Variants in GTF2H5 observed in about 807,000 individuals in gnomAD.
The protein encoded by GTF2H5 is TFB5 ortholog.
In GTF2H5, 5 loss-of-function variants were observed where a neutral mutation model predicts 7.1. That is an observed-to-expected ratio of 0.71 (90% CI 0.37 to 1.49). The LOEUF (loss-of-function observed/expected upper bound fraction) is 1.49, where lower values mean the gene tolerates loss of function less well. GTF2H5 is among the 40% of genes most tolerant of loss of function. GTF2H5 has a pLI of 0.03. For missense variants in GTF2H5, 80 were observed against 83.0 expected (o/e 0.96, Z 0.14); for synonymous variants, 30 against 31.7 (o/e 0.95, Z 0.18).
intron 2 of GTF2H5, among the ~76,000 whole-genome samples, chr6:158,175,681 T>C (rs1050946787): frequency 6.6e-6 from 1 of 152,086 alleles, no homozygotes; most frequent in Admixed American, 6.6e-5. Flanking sequence ...GGAGAATCAC[T>C]TGAACCCAAG....
chr6:158,175,656 G>A (rs1424081535), intron 2 of GTF2H5, among the ~76,000 whole-genome samples: 3 of 151,960 alleles, frequency 2.0e-5, no homozygotes, highest in Non-Finnish European at 2.9e-5. Flanking sequence ...CCCAGCTACT[G>A]GGGAGGCTGA....
intron 1 of GTF2H5, among the ~76,000 whole-genome samples, chr6:158,169,773 A>ATATATTG (rs1357489016): frequency 1.2e-5 from 1 of 83,958 alleles, no homozygotes; most frequent in South Asian, 3.3e-4. Context: ...ATTATATATA[A>ATATATTG]TATATTGTAT....
At position 158,190,420 on chromosome 6, in the gene GTF2H5, T is replaced by A. The variant is rs184824067; in HGVS notation, c.36-1557T>A. Among the ~76,000 whole-genome samples, 92 of 152,296 alleles carry A rather than the reference T, an allele frequency of 6.0e-4. 1 individual carries two copies. In the South Asian group the frequency reaches 0.015, roughly 25 times the overall value. On this transcript the variant is annotated intron_variant, in intron 2 of 2. Coordinates refer to ENST00000607778, the MANE Select transcript of GTF2H5 (RefSeq NM_207118.3). ...ATCACCTCCACTATTACCACCTACA[T>A]CAAAATCATCATCTCTTGCCTGGAT...
rs925105662 is a variant in GTF2H5 at position 158,169,855 on chromosome 6, G to A, written c.-34-615G>A. On this transcript the variant is annotated intron_variant, in intron 1 of 2. Coordinates refer to ENST00000607778, the MANE Select transcript of GTF2H5 (RefSeq NM_207118.3). ...TATATATATACACACACACACACAC[G>A]ATACAACACAGTACATTAGCTGGGC... is the stretch of plus-strand genomic sequence containing the variant. Among the ~76,000 whole-genome samples, 9 of 123,484 alleles carry A rather than the reference G, an allele frequency of 7.3e-5. No homozygotes were observed. In the East Asian group the frequency reaches 1.6e-3, roughly 23 times the overall value. The allele number at this position is 123,484 out of a possible 152,430, so 81.0% of individuals were successfully genotyped here.
intron 2 of GTF2H5, among the ~76,000 whole-genome samples, chr6:158,187,127 T>C (rs57571658): frequency 2.6e-4 from 40 of 152,060 alleles, no homozygotes; most frequent in African/African-American, 8.7e-4. Context: ...CCTGAGTAGG[T>C]AGTATTACAA....
chr6:158,187,532 A>G (rs1440309383), intron 2 of GTF2H5, among the ~76,000 whole-genome samples: 1 of 152,106 alleles, frequency 6.6e-6, no homozygotes, highest in African/African-American at 2.4e-5. Flanking sequence ...TTTTATTCCT[A>G]CAAAAAGTCT....
chr6:158,190,965 T>C (rs748959387), intron 2 of GTF2H5: 1 of 511,822 alleles, frequency 2.0e-6, no homozygotes, highest in Non-Finnish European at 3.9e-6. Context: ...TCTTTTCCCT[T>C]ATGACTATCC....
chr6:158,172,001 G>GTTGGTAT (rs1785863621), intron 2 of GTF2H5, among the ~76,000 whole-genome samples: 1 of 152,038 alleles, frequency 6.6e-6, no homozygotes, highest in Non-Finnish European at 1.5e-5. Flanking sequence ...GGCCTTTAGT[G>GTTGGTAT]TTATTTTTAA....
intron 2 of GTF2H5, among the ~76,000 whole-genome samples, chr6:158,175,011 TG>T (rs1248307239): frequency 1.5e-3 from 25 of 16,752 alleles, no homozygotes; most frequent in Non-Finnish European, 4.6e-3. Flanking sequence ...GTGCCTGAGA[TG>T]TGTGTGTGTG....
At chr6:158,178,318 C>G (rs1223026278) in intron 2 of GTF2H5, among the ~76,000 whole-genome samples, 1 of 152,052 alleles carries the variant, frequency 6.6e-6, no homozygotes, top group African/African-American at 2.4e-5. Flanking sequence ...AACCCCGTCT[C>G]TATTAAAATT....
At chr6:158,168,553 C>T (rs1320821395) in intron 1 of GTF2H5, among the ~76,000 whole-genome samples, 158 bp downstream of exon 1, 1 of 152,222 alleles carries the variant, frequency 6.6e-6, no homozygotes, top group Non-Finnish European at 1.5e-5. Context: ...CCCTTCCTGG[C>T]GGGGCCGCAC....
chr6:158,169,358 A>ATG (rs1562467643), intron 1 of GTF2H5, among the ~76,000 whole-genome samples: 2 of 80,916 alleles, frequency 2.5e-5, no homozygotes, highest in East Asian at 6.2e-4. Flanking sequence ...TATATATAAT[A>ATG]CATATATATA....
chr6:158,170,722 G>GA (rs1172380512), intron 2 of GTF2H5, among the ~76,000 whole-genome samples, 184 bp downstream of exon 2: 2 of 152,190 alleles, frequency 1.3e-5, no homozygotes, highest in Non-Finnish European at 2.9e-5. Flanking sequence ...CTGTTGAATT[G>GA]ATGGAACTGG....
rs921314260 is a variant in GTF2H5 at position 158,192,505 on chromosome 6, G to A, written c.*348G>A. The A allele has an allele frequency of 1.8e-5, 5 of 282,524 alleles. No homozygotes were observed. The highest frequency in any genetic ancestry group is 2.7e-5 in the Non-Finnish European group (4 of 146,648). The allele number at this position is 282,524 out of a possible 1,614,324, so 17.5% of individuals were successfully genotyped here. ...ATCTGTGCATTTTTGCTGCGTGGATGTGATTGTTTGGTTTCAGTTAGAAAC... is the reference window on the plus strand; with the variant it reads ...ATCTGTGCATTTTTGCTGCGTGGATATGATTGTTTGGTTTCAGTTAGAAAC... On this transcript the variant is annotated 3_prime_UTR_variant, in exon 3 of 3. Transcript: ENST00000607778.
rs1777092360 is a variant in GTF2H5, at chr6:158,195,310, A to G, written c.*3153A>G. The G allele has an allele frequency of 6.6e-6, 1 of 152,110 alleles. No individual in the cohort carries two copies. The highest frequency in any genetic ancestry group is 1.5e-5 in the Non-Finnish European group (1 of 68,036). The allele number at this position is 152,110 out of a possible 1,614,324, so 9.4% of individuals were successfully genotyped here. A position where few individuals can be genotyped will look rare whatever the true frequency, so the allele number is the denominator to read the frequency against. On this transcript the variant is annotated 3_prime_UTR_variant, in exon 3 of 3. Transcript: ENST00000607778. ...ACTTTGTCTCTTAATAGAACTATGG[A>G]CTGAAGTTGTGATATTGAGTGTTAT...
intron 1 of GTF2H5, among the ~76,000 whole-genome samples, chr6:158,169,676 A>G (rs1400983868): frequency 9.9e-5 from 5 of 50,688 alleles, no homozygotes; most frequent in Non-Finnish European, 1.7e-4. Flanking sequence ...TGTATATTAT[A>G]TAATATATAA....
chr6:158,181,937 C>T (rs183525166), intron 2 of GTF2H5, among the ~76,000 whole-genome samples: 210 of 152,230 alleles, frequency 1.4e-3, no homozygotes, highest in Admixed American at 2.4e-3. Flanking sequence ...CTGGTTATTT[C>T]GCCCATTAAT....
rs1583642856 is a variant in GTF2H5 at position 158,197,464 on chromosome 6, C to T, written c.*5307C>T. The T allele has an allele frequency of 1.3e-5, 2 of 152,130 alleles. No individual in the cohort carries two copies. Among genetic ancestry groups the T allele is most frequent in the East Asian group, 3.8e-4 (2 of 5,200 alleles). The allele number at this position is 152,130 out of a possible 1,614,324, so 9.4% of individuals were successfully genotyped here. A position where few individuals can be genotyped will look rare whatever the true frequency, so the allele number is the denominator to read the frequency against. ...GAAACATGGCTTTACCAGTATGACC[C>T]TCAAGACAAAATACAAAACAATGGC... On this transcript the variant is annotated 3_prime_UTR_variant, in exon 3 of 3. Coordinates refer to ENST00000607778, the MANE Select transcript of GTF2H5 (RefSeq NM_207118.3).
chr6:158,185,483 G>T (rs1312250148), intron 2 of GTF2H5, among the ~76,000 whole-genome samples: 1 of 150,160 alleles, frequency 6.7e-6, no homozygotes. Context: ...TGAGGCTGCA[G>T]TGAATTGGGA....
Sources: gnomAD v4.1 joint callset for allele counts (sites outside exome capture counted in the v4.1 genomes callset) on GRCh38, gnomAD v4.1.1 for gene constraint, MANE v1.5 for transcripts, NCBI Gene and HGNC (gene_info 2026-07-23, HGNC 2026-07-21) for gene names.